Variants in MFSD1 observed in about 807,000 individuals in gnomAD.
MFSD1 encodes lysosomal dipeptide transporter MFSD1.
A neutral mutation model predicts 67.1 loss-of-function variants in MFSD1; 59 were observed. That is an observed-to-expected ratio of 0.88 (90% CI 0.71 to 1.09). MFSD1 has a LOEUF of 1.09. Among genes scored for constraint, MFSD1 ranks in the 50% least tolerant of loss-of-function variants. The pLI is 0.00. For synonymous variants in MFSD1, 213 were observed against 200.3 expected (o/e 1.06, Z -0.54); for missense variants, 552 against 566.1 (o/e 0.97, Z 0.25).
chr3:158,829,294 G>A lies in MFSD1; in HGVS notation c.*312G>A. The stretch of plus-strand genomic sequence containing the variant: ...AATGGAAAACGTTGGAGCTTCTGTT[G>A]AGATAATCTTCATTAGGTATATATC... On this transcript the variant is annotated 3_prime_UTR_variant, in exon 16 of 16. Coordinates refer to ENST00000415822, the MANE Select transcript of MFSD1 (RefSeq NM_022736.4). 4.5e-6 allele frequency: 1 copy of A among 220,774 alleles called. No homozygotes were observed. Among genetic ancestry groups the A allele is most frequent in the Non-Finnish European group, 8.8e-6 (1 of 113,622 alleles). 13.7% of individuals were successfully genotyped at this position (220,774 alleles called of 1,614,324 possible).
chr3:158,803,015 A>G (rs1729537553), intron 1 of MFSD1, among the ~76,000 whole-genome samples: 1 of 152,178 alleles, frequency 6.6e-6, no homozygotes, highest in South Asian at 2.1e-4. Context: ...TTCAGTGAAT[A>G]GATATTGTTC....
intron 10 of MFSD1, 83 bp downstream of exon 10, chr3:158,821,736 A>G: frequency 1.6e-6 from 2 of 1,222,456 alleles, no homozygotes; most frequent in Non-Finnish European, 1.2e-6. Flanking sequence ...AGCAAAAAAG[A>G]TGTATGTGAC....
At chr3:158,810,382 G>A (rs1729942263) in intron 6 of MFSD1, among the ~76,000 whole-genome samples, 1 of 152,218 alleles carries the variant, frequency 6.6e-6, no homozygotes, top group Middle Eastern at 3.4e-3. Context: ...CTGCCAAGGC[G>A]AGCAGAAGCT....
At position 158,821,762 on chromosome 3, in the gene MFSD1, T is replaced by G. The variant is rs1730690875; in HGVS notation, c.920+109T>G. 17 of 1,066,658 alleles carry G rather than the reference T, an allele frequency of 1.6e-5. No individual in the cohort carries two copies. The South Asian group carries it at 2.3e-4, about 15-fold the overall frequency. 66.1% of individuals were successfully genotyped at this position (1,066,658 alleles called of 1,614,324 possible). On this transcript the variant is annotated intron_variant, in intron 10 of 15. Coordinates refer to ENST00000415822, the MANE Select transcript of MFSD1 (RefSeq NM_022736.4). ...TGTATGTGACCTAATATTTTTTAAGTGCGAAACTGGGACTACATTGGGACT... is the reference window on the plus strand; with the variant it reads ...TGTATGTGACCTAATATTTTTTAAGGGCGAAACTGGGACTACATTGGGACT...
chr3:158,824,258 A>G (rs1431622757), intron 13 of MFSD1, 22 bp downstream of exon 13: 1 of 1,522,798 alleles, frequency 6.6e-7, no homozygotes, highest in Non-Finnish European at 9.0e-7. Context: ...GTATGACAAC[A>G]TTTTGTTTCT....
At chr3:158,828,076 C>A (rs1484915656) in intron 15 of MFSD1, among the ~76,000 whole-genome samples, 4 of 151,924 alleles carry the variant, frequency 2.6e-5, no homozygotes, top group African/African-American at 9.7e-5. Context: ...CAGATATTTT[C>A]TTTTTCTTAA....
chr3:158,819,511 C>T, intron 7 of MFSD1, 138 bp from the exon 8 acceptor site: 1 of 480,844 alleles, frequency 2.1e-6, no homozygotes. Context: ...TTAGTAATTG[C>T]AGATTTTTCT....
At chr3:158,810,430 C>T (rs1328353425) in intron 6 of MFSD1, among the ~76,000 whole-genome samples, 1 of 152,164 alleles carries the variant, frequency 6.6e-6, no homozygotes, top group Non-Finnish European at 1.5e-5. Flanking sequence ...ACAACATAGT[C>T]TCAGAGAATA....
intron 6 of MFSD1, among the ~76,000 whole-genome samples, chr3:158,811,971 T>A (rs1208339758): frequency 6.6e-6 from 1 of 152,202 alleles, no homozygotes; most frequent in East Asian, 1.9e-4. Flanking sequence ...TTTAACTATT[T>A]AAAATATCTA....
chr3:158,805,102 A>T (rs1241268206), intron 2 of MFSD1, among the ~76,000 whole-genome samples: 1 of 152,166 alleles, frequency 6.6e-6, no homozygotes, highest in Non-Finnish European at 1.5e-5. Flanking sequence ...CTGATCCTGG[A>T]ATCCAGGAAG....
chr3:158,809,153 G>GTTTTTTTTTTTTTTTTTTTTTTTTTTTTT, intron 5 of MFSD1, 26 bp from the exon 6 acceptor site: 3 of 1,205,254 alleles, frequency 2.5e-6, no homozygotes, highest in Non-Finnish European at 1.1e-6. Flanking sequence ...GTGACTTCTG[G>GTTTTTTTTTTTTTTTTTTTTTTTTTTTTT]TTTTTTTTTT....
intron 6 of MFSD1, among the ~76,000 whole-genome samples, chr3:158,809,695 A>T (rs1729905520): frequency 6.6e-6 from 1 of 152,192 alleles, no homozygotes; most frequent in African/African-American, 2.4e-5. Context: ...TATGAAGCGT[A>T]ACCTCACATA....
At chr3:158,805,187 T>C (rs1020093566) in intron 2 of MFSD1, among the ~76,000 whole-genome samples, 175 bp from the exon 3 acceptor site, 1 of 152,190 alleles carries the variant, frequency 6.6e-6, no homozygotes, top group Non-Finnish European at 1.5e-5. Context: ...CCAGGGGCCA[T>C]AGCTTTCATG....
At chr3:158,808,931 C>T (rs1729861513) in intron 5 of MFSD1, 1 of 386,354 alleles carries the variant, frequency 2.6e-6, no homozygotes, top group African/African-American at 2.1e-5. Context: ...GTTCAGGGCT[C>T]CAAGTGCGAG....
At chr3:158,806,907 C>A (rs1729753512) in intron 3 of MFSD1, 133 bp from the exon 4 acceptor site, 1 of 664,412 alleles carries the variant, frequency 1.5e-6, no homozygotes, top group South Asian at 2.2e-5. Context: ...GGAGGGAATA[C>A]AGAGGGAGGC....
intron 11 of MFSD1, chr3:158,822,557 G>C (rs1730735313): frequency 1.3e-5 from 2 of 152,996 alleles, no homozygotes; most frequent in Non-Finnish European, 2.9e-5. Flanking sequence ...AAGTGATAAT[G>C]AATTCAAGTT....
intron 3 of MFSD1, among the ~76,000 whole-genome samples, chr3:158,806,207 G>T (rs1487701815): frequency 6.6e-6 from 1 of 152,162 alleles, no homozygotes; most frequent in African/African-American, 2.4e-5. Context: ...TAAAATTTTT[G>T]AAGAGTTAAA....
chr3:158,816,510 T>C (rs1423772549), intron 7 of MFSD1, among the ~76,000 whole-genome samples: 1 of 152,180 alleles, frequency 6.6e-6, no homozygotes, highest in African/African-American at 2.4e-5. Flanking sequence ...TGTTTTTTTC[T>C]TGTAAATTTG....
rs1309923957 is a variant in MFSD1, at chr3:158,823,541, G to A, written c.1175+16G>A. 5 of 1,512,818 alleles carry A rather than the reference G, an allele frequency of 3.3e-6. No homozygotes were observed. The highest frequency in any genetic ancestry group is 4.6e-6 in the Non-Finnish European group (5 of 1,087,934). 93.7% of individuals were successfully genotyped at this position (1,512,818 alleles called of 1,614,324 possible). A position where few individuals can be genotyped will look rare whatever the true frequency, so the allele number is the denominator to read the frequency against. On this transcript the variant is annotated intron_variant, in intron 12 of 15. Transcript: ENST00000415822. Reference sequence around the variant, plus strand: ...CATATGGCTTGTAAGTATTTACGCTGTGGATCGTATATGTCTGTCTCTGCT... The same window carrying A: ...CATATGGCTTGTAAGTATTTACGCTATGGATCGTATATGTCTGTCTCTGCT...
Sources: gnomAD v4.1 joint callset for allele counts (sites outside exome capture counted in the v4.1 genomes callset) on GRCh38, gnomAD v4.1.1 for gene constraint, MANE v1.5 for transcripts, NCBI Gene and HGNC (gene_info 2026-07-23, HGNC 2026-07-21) for gene names.